PCDHGA7: variants seen among roughly 807,000 people sequenced by gnomAD.
PCDHGA7 encodes protocadherin gamma-A7.
Under a neutral mutation model 58.3 loss-of-function variants are expected in PCDHGA7, and 44 were observed. That is an observed-to-expected ratio of 0.75 (90% CI 0.59 to 0.97). The LOEUF (loss-of-function observed/expected upper bound fraction) is 0.97. PCDHGA7 is among the 50% of genes least tolerant of loss of function. The probability of loss-of-function intolerance (pLI) is 0.00; values close to 1 mark genes in which losing one functional copy is unlikely to be tolerated. For missense variants in PCDHGA7, 1,266 were observed against 1,188.7 expected (o/e 1.06, Z -0.96); for synonymous variants, 516 against 504.2 (o/e 1.02, Z -0.31).
chr5:141,426,590 C>T (rs2096945493), intron 1 of PCDHGA7: 1 of 369,282 alleles, frequency 2.7e-6, no homozygotes, highest in East Asian at 7.4e-5. Context: ...TCCTCTGTGT[C>T]ATACCCTTAG....
At chr5:141,399,590 T>C (rs1369616193) in intron 1 of PCDHGA7, 5 of 1,613,854 alleles carry the variant, frequency 3.1e-6, no homozygotes, top group Admixed American at 3.3e-5. Flanking sequence ...TACTCTATCA[T>C]GGCCAGCGAC....
chr5:141,416,449 G>A (rs938389094), intron 1 of PCDHGA7: 1 of 152,138 alleles, frequency 6.6e-6, no homozygotes, highest in Non-Finnish European at 1.5e-5. Context: ...AATATGGGTT[G>A]GGAAGACAGA....
At chr5:141,393,335 C>T (rs764386599) in intron 1 of PCDHGA7, 1 of 1,613,458 alleles carries the variant, frequency 6.2e-7, no homozygotes, top group South Asian at 1.1e-5. Flanking sequence ...AGCTCAGCCC[C>T]AATCACCACT....
At chr5:141,434,667 G>A (rs1464226862) in intron 1 of PCDHGA7, among the ~76,000 whole-genome samples, 5 of 151,956 alleles carry the variant, frequency 3.3e-5, no homozygotes, top group African/African-American at 1.2e-4. Context: ...CTATAGAAAT[G>A]ATGCTAATGA....
chr5:141,511,351 C>G lies in PCDHGA7; in HGVS notation c.*178C>G, dbSNP rs1190324197. On this transcript the variant is annotated 3_prime_UTR_variant, in exon 4 of 4. Coordinates refer to ENST00000518325, the MANE Select transcript of PCDHGA7 (RefSeq NM_018920.4). The stretch of plus-strand genomic sequence containing the variant: ...CCAGTCAGCACCTACCCCTTCCCCC[C>G]CAGGGGGTTGAATATGCAAAAGCAG... 6 of 1,386,432 alleles carry G rather than the reference C, an allele frequency of 4.3e-6. No individual in the cohort carries two copies. The highest frequency in any genetic ancestry group is 2.9e-5 in the African/African-American group (2 of 68,574). The allele number at this position is 1,386,432 out of a possible 1,614,324, so 85.9% of individuals were successfully genotyped here.
intron 1 of PCDHGA7, chr5:141,424,567 A>T (rs1034112526): frequency 3.3e-5 from 5 of 152,176 alleles, no homozygotes; most frequent in African/African-American, 7.2e-5. Flanking sequence ...CTTCTCAAAA[A>T]CCTATTTTCA....
At chr5:141,423,440 C>G in intron 1 of PCDHGA7, 1 of 1,613,970 alleles carries the variant, frequency 6.2e-7, no homozygotes, top group South Asian at 1.1e-5. Context: ...GGTATGCCCA[C>G]GTCACATTTT....
intron 1 of PCDHGA7, among the ~76,000 whole-genome samples, chr5:141,459,014 T>G (rs1429233660): frequency 6.6e-6 from 1 of 152,240 alleles, no homozygotes; most frequent in Non-Finnish European, 1.5e-5. Flanking sequence ...ATTACAGGCA[T>G]GAGCCACCAC....
Position 141,431,592 on chromosome 5 carries a change from G to A in PCDHGA7, c.2424+46269G>A, listed in dbSNP as rs1429358254. 2.5e-6 allele frequency: 4 copies of A among 1,614,100 alleles called. No individual in the cohort carries two copies. The Admixed American group carries it at 6.7e-5, about 27-fold the overall frequency. The stretch of plus-strand genomic sequence containing the variant: ...GACGAAGGAGTCAATGCGGAAGTGA[G>A]GTATTCCTTCCGGTATGTGGACGAC... On this transcript the variant is annotated intron_variant, in intron 1 of 3. Transcript: ENST00000518325. The surrounding 1 kb of genome is among the most constrained non-coding windows in gnomAD (Gnocchi z 4.8).
intron 2 of PCDHGA7, among the ~76,000 whole-genome samples, chr5:141,503,432 TA>T (rs1423418926): frequency 6.6e-6 from 1 of 151,668 alleles, no homozygotes; most frequent in African/African-American, 2.4e-5. Flanking sequence ...CCATCTCTAC[TA>T]AAAATACAAA....
rs770828917 is a variant in PCDHGA7 at position 141,431,306 on chromosome 5, C to G, written c.2424+45983C>G. ...GAACACTCACTTCTCCCTCATCGTG[C>G]AAAATGGAGCCGACGGTAGTAAGTA... On this transcript the variant is annotated intron_variant, in intron 1 of 3. Transcript: ENST00000518325. The surrounding 1 kb of genome is among the most constrained non-coding windows in gnomAD (Gnocchi z 4.8). 6.2e-7 allele frequency: 1 copy of G among 1,614,124 alleles called. No homozygotes were observed. The highest frequency in any genetic ancestry group is 2.2e-5 in the East Asian group (1 of 44,878).
chr5:141,492,894 G>A (rs2099744893), intron 1 of PCDHGA7, among the ~76,000 whole-genome samples: 1 of 152,202 alleles, frequency 6.6e-6, no homozygotes, highest in Admixed American at 6.5e-5. Flanking sequence ...GGCTTTTGGC[G>A]CCGTCGTGAT....
At chr5:141,417,667 C>A (rs545100460) in intron 1 of PCDHGA7, 5 of 918,744 alleles carry the variant, frequency 5.4e-6, no homozygotes, top group South Asian at 3.8e-5. Flanking sequence ...GGATTCCCTG[C>A]GCAGCCAACA....
intron 1 of PCDHGA7, among the ~76,000 whole-genome samples, chr5:141,457,444 G>T (rs1253183319): frequency 6.6e-6 from 1 of 152,134 alleles, no homozygotes; most frequent in African/African-American, 2.4e-5. Context: ...AGCTGCAGAA[G>T]ATCACCACTT....
chr5:141,394,778 C>A (rs377451053), intron 1 of PCDHGA7: 82 of 1,613,634 alleles, frequency 5.1e-5, no homozygotes, highest in Admixed American at 3.7e-4. Context: ...CCCCTCTCTC[C>A]GCCACTGTCA....
chr5:141,486,671 C>T lies in PCDHGA7; in HGVS notation c.2425-8136C>T, dbSNP rs1307620045. The T allele has an allele frequency of 1.9e-6, 3 of 1,613,926 alleles. No homozygotes were observed. Among genetic ancestry groups the T allele is most frequent in the South Asian group, 1.1e-5 (1 of 91,078 alleles). On this transcript the variant is annotated intron_variant, in intron 1 of 3. Coordinates refer to ENST00000518325, the MANE Select transcript of PCDHGA7 (RefSeq NM_018920.4). This position sits in a 1 kb window ranked among gnomAD's most constrained non-coding sequence, Gnocchi z 5.0. Reference sequence around the variant, plus strand: ...CTACTCACTCCTGGAGCCCAGGAATCGAGATGTATCAGCTTCCTCTTTCAT... The same window carrying T: ...CTACTCACTCCTGGAGCCCAGGAATTGAGATGTATCAGCTTCCTCTTTCAT...
intron 1 of PCDHGA7, chr5:141,478,825 T>G: frequency 1.4e-6 from 2 of 1,441,878 alleles, no homozygotes; most frequent in East Asian, 5.0e-5. Context: ...TAACCAATCT[T>G]GCTAAGGGAT....
intron 1 of PCDHGA7, chr5:141,395,188 T>C (rs1188356077): frequency 6.2e-7 from 1 of 1,614,128 alleles, no homozygotes; most frequent in East Asian, 2.2e-5. Flanking sequence ...GATTCTTTGT[T>C]AACATCCGTA....
chr5:141,394,138 T>C (rs1360282699), intron 1 of PCDHGA7: 1 of 1,613,860 alleles, frequency 6.2e-7, no homozygotes. Flanking sequence ...GCTCTGCACG[T>C]GGCAGACATT....
Sources: gnomAD v4.1 joint callset for allele counts (sites outside exome capture counted in the v4.1 genomes callset) on GRCh38, gnomAD v4.1.1 for gene constraint, Gnocchi (gnomAD v3.1) non-coding constraint, MANE v1.5 for transcripts, NCBI Gene and HGNC (gene_info 2026-07-23, HGNC 2026-07-21) for gene names.